Variants in CLSTN2 observed in about 807,000 individuals in gnomAD.
The protein encoded by CLSTN2 is calsyntenin-2.
CLSTN2 carries 48 observed loss-of-function variants against 101.2 expected under a neutral mutation model. The ratio of observed to expected loss-of-function variants is 0.47; its 90% CI spans 0.38 to 0.60. The LOEUF is 0.60. Among genes scored for constraint, CLSTN2 ranks in the 20% least tolerant of loss-of-function variants. CLSTN2 has a pLI of 0.00. For synonymous variants in CLSTN2, 481 were observed against 463.6 expected (o/e 1.04, Z -0.48); for missense variants, 1,160 against 1,238.2 (o/e 0.94, Z 0.95).
intron 2 of CLSTN2, among the ~76,000 whole-genome samples, chr3:140,331,822 T>C (rs2087386213): frequency 6.6e-6 from 1 of 152,262 alleles, no homozygotes; most frequent in Non-Finnish European, 1.5e-5. Context: ...GTAAGGTGCT[T>C]GTTTGCCAGT....
At chr3:140,011,125 C>T (rs2007064653) in intron 1 of CLSTN2, among the ~76,000 whole-genome samples, 1 of 152,178 alleles carries the variant, frequency 6.6e-6, no homozygotes, top group African/African-American at 2.4e-5. Context: ...CCTGGAAAGA[C>T]CCAGGGACCC....
At chr3:140,332,397 T>C (rs1231474092) in intron 2 of CLSTN2, among the ~76,000 whole-genome samples, 2 of 152,268 alleles carry the variant, frequency 1.3e-5, no homozygotes, top group South Asian at 2.1e-4. Context: ...TTATACTCAA[T>C]GCTGCAAGCA....
chr3:140,274,591 A>G (rs913237945), intron 2 of CLSTN2, among the ~76,000 whole-genome samples: 4 of 152,132 alleles, frequency 2.6e-5, no homozygotes, highest in African/African-American at 4.8e-5. Flanking sequence ...GTCATCAGGC[A>G]TGTTGTCCAC....
chr3:140,181,332 G>A (rs2010404400), intron 2 of CLSTN2, among the ~76,000 whole-genome samples: 1 of 152,202 alleles, frequency 6.6e-6, no homozygotes, highest in South Asian at 2.1e-4. Context: ...TGATAATAAT[G>A]AGGGTAATCA....
At chr3:140,439,469 G>A (rs1247856630) in intron 5 of CLSTN2, among the ~76,000 whole-genome samples, 5 of 152,186 alleles carry the variant, frequency 3.3e-5, no homozygotes, top group Non-Finnish European at 5.9e-5. Flanking sequence ...GTGTTGATTT[G>A]GGGCCAAATT....
intron 1 of CLSTN2, among the ~76,000 whole-genome samples, chr3:140,160,622 ATT>A (rs60958109): frequency 6.8e-6 from 1 of 147,824 alleles, no homozygotes; most frequent in Admixed American, 6.8e-5. Flanking sequence ...TATTCATCCT[ATT>A]TTTTTTTTCC....
chr3:140,265,724 A>T (rs902988730), intron 2 of CLSTN2, among the ~76,000 whole-genome samples: 1 of 152,146 alleles, frequency 6.6e-6, no homozygotes, highest in African/African-American at 2.4e-5. Flanking sequence ...CCAGATTTTC[A>T]TCATTATTCC....
chr3:140,093,351 A>G (rs957350235), intron 1 of CLSTN2, among the ~76,000 whole-genome samples: 1 of 152,160 alleles, frequency 6.6e-6, no homozygotes, highest in Non-Finnish European at 1.5e-5. Context: ...TGTACCCGCC[A>G]TGGCCTGAAG....
intron 2 of CLSTN2, among the ~76,000 whole-genome samples, chr3:140,363,992 G>A (rs1004445649): frequency 1.3e-5 from 2 of 152,196 alleles, no homozygotes; most frequent in African/African-American, 4.8e-5. Flanking sequence ...CACTCACAGT[G>A]CTTGGCATGT....
At chr3:140,241,141 A>G (rs2086463364) in intron 2 of CLSTN2, among the ~76,000 whole-genome samples, 1 of 152,334 alleles carries the variant, frequency 6.6e-6, no homozygotes, top group Admixed American at 6.5e-5. Context: ...GAAAACAAGA[A>G]AAGAATACTA....
At chr3:140,296,779 A>G (rs1384687261) in intron 2 of CLSTN2, among the ~76,000 whole-genome samples, 1 of 152,318 alleles carries the variant, frequency 6.6e-6, no homozygotes, top group South Asian at 2.1e-4. Flanking sequence ...AGCAAAGGCT[A>G]TATTGTCACA....
At chr3:140,098,100 A>T (rs1303413265) in intron 1 of CLSTN2, among the ~76,000 whole-genome samples, 1 of 152,188 alleles carries the variant, frequency 6.6e-6, no homozygotes, top group African/African-American at 2.4e-5. Flanking sequence ...AGAGTGAAGA[A>T]GCAGAGACAA....
rs1395389133 is a variant in CLSTN2 at position 139,935,885 on chromosome 3, T to A, written c.109+402T>A. Among the ~76,000 whole-genome samples the A allele has an allele frequency of 6.6e-6, 1 of 151,952 alleles. No individual in the cohort carries two copies. The highest frequency in any genetic ancestry group is 2.4e-5 in the African/African-American group (1 of 41,410). The stretch of plus-strand genomic sequence containing the variant: ...GGGGGAAGGATCAGCGGCGGTGCTT[T>A]CAAGGAGGGAGCCGAGCTGTGACTT... On this transcript the variant is annotated intron_variant, in intron 1 of 16. Coordinates refer to ENST00000458420, the MANE Select transcript of CLSTN2 (RefSeq NM_022131.3). This position sits in a 1 kb window ranked among gnomAD's most constrained non-coding sequence, Gnocchi z 5.5.
At chr3:140,562,520 G>T (rs1367810273) in intron 13 of CLSTN2, among the ~76,000 whole-genome samples, 4 of 152,126 alleles carry the variant, frequency 2.6e-5, no homozygotes. Flanking sequence ...CACTCCTGGG[G>T]AGTTCTTTTG....
chr3:140,144,601 G>A (rs373947546), intron 1 of CLSTN2, among the ~76,000 whole-genome samples: 19 of 151,942 alleles, frequency 1.3e-4, no homozygotes, highest in African/African-American at 4.6e-4. Context: ...GGGCATCAGA[G>A]CGAGACTTCA....
chr3:140,281,973 A>G (rs893554292), intron 2 of CLSTN2, among the ~76,000 whole-genome samples: 3 of 152,168 alleles, frequency 2.0e-5, no homozygotes, highest in Non-Finnish European at 2.9e-5. Context: ...ACTAATCCCA[A>G]TGAAATAAAA....
intron 2 of CLSTN2, among the ~76,000 whole-genome samples, chr3:140,186,196 T>C (rs1309102970): frequency 6.6e-6 from 1 of 152,122 alleles, no homozygotes; most frequent in South Asian, 2.1e-4. Flanking sequence ...AAATCAATGA[T>C]ATTGAGAACC....
At chr3:140,373,610 A>G (rs1437603222) in intron 2 of CLSTN2, among the ~76,000 whole-genome samples, 1 of 152,250 alleles carries the variant, frequency 6.6e-6, no homozygotes, top group African/African-American at 2.4e-5. Flanking sequence ...TTTAAGAGAA[A>G]GAGCTCTCTA....
chr3:140,216,878 C>T lies in CLSTN2; in HGVS notation c.232+40805C>T, dbSNP rs369649963. Among the ~76,000 whole-genome samples, 91 of 152,318 alleles carry T rather than the reference C, an allele frequency of 6.0e-4. 2 individuals are homozygous for T. In the South Asian group the frequency reaches 0.018, roughly 30 times the overall value. On this transcript the variant is annotated intron_variant, in intron 2 of 16. Coordinates refer to ENST00000458420, the MANE Select transcript of CLSTN2 (RefSeq NM_022131.3). ...AAAGGAGGTCCCACAGATAATCTGA[C>T]ATATTTAATTGACCATATGCCAGGC... is the stretch of plus-strand genomic sequence containing the variant.
Sources: allele counts gnomAD v4.1 joint callset (sites outside exome capture counted in the v4.1 genomes callset), GRCh38; gene constraint gnomAD v4.1.1; non-coding constraint Gnocchi (gnomAD v3.1); transcripts MANE v1.5; gene names NCBI Gene and HGNC (gene_info 2026-07-23, HGNC 2026-07-21).